MGAM: variants seen among roughly 807,000 people sequenced by gnomAD.
MGAM encodes the protein maltase-glucoamylase.
MGAM carries 253 observed loss-of-function variants against 358.8 expected under a neutral mutation model. That is an observed-to-expected ratio of 0.71 (90% CI 0.64 to 0.78). The LOEUF is 0.78. Ranked by LOEUF, MGAM falls within the 30% of genes least tolerant of loss-of-function variation. The pLI is 0.00. For synonymous variants in MGAM, 1,105 were observed against 1,227.1 expected, an observed-to-expected ratio of 0.90 and a Z score of 2.08; for missense variants, 3,080 against 3,432.6, an observed-to-expected ratio of 0.90 and a Z score of 2.57.
chr7:142,074,164 C>G lies in MGAM; in HGVS notation c.5266C>G (p.Gln1756Glu), dbSNP rs1484695275. The change falls in exon 45 of 71, where the codon CAA becomes GAA. Residue 1756 changes from glutamine (Q) to glutamate (E), a missense_variant. Coordinates refer to ENST00000475668, the MANE Select transcript of MGAM (RefSeq NM_001365693.1). ...AKGELFWDDG[Q>E]TKDTVAKKVY... ...AGGAGAACTTTTCTGGGATGATGGG[C>G]AAACAAAGGGTGAGCGCTGTTACAA... The G allele has an allele frequency of 6.5e-7, 1 of 1,532,212 alleles. No homozygotes were observed. The highest frequency in any genetic ancestry group is 1.1e-5 in the South Asian group (1 of 88,478). 94.9% of individuals were successfully genotyped at this position (1,532,212 alleles called of 1,614,324 possible).
In MGAM at chr7:142,084,571, G is replaced by A. The variant is rs1241656209; in HGVS notation, c.6434G>A (p.Cys2145Tyr). Residue 2145 changes from cysteine (C) to tyrosine (Y), a missense_variant, in exon 54 of 71, where the codon TGT becomes TAT. Cys to Tyr is a radical substitution (Grantham distance 194). Around this residue, in one of 5 missense-constraint regions of MGAM, gnomAD observed 932 missense variants for 1,198.2 expected, o/e 0.78. Transcript: ENST00000475668. ...VPYWSLGFQL[C>Y]RYGYQNDSEI... ...TACTGGTCTTTGGGGTTCCAGCTGT[G>A]TCGCTATGGCTACCAGAACGACTCT... The A allele has an allele frequency of 6.4e-7, 1 of 1,556,268 alleles. No homozygotes were observed. The highest frequency in any genetic ancestry group is 1.3e-5 in the African/African-American group (1 of 74,580).
chr7:142,057,619 G>A (rs62477619), intron 30 of MGAM, among the ~76,000 whole-genome samples: 28,037 of 148,658 alleles, frequency 0.19, 2,722 homozygotes, highest in Middle Eastern at 0.35. Flanking sequence ...GGGCACGATC[G>A]TGGTACTGGG....
chr7:142,010,074 G>T lies in MGAM; in HGVS notation c.327+1369G>T, dbSNP rs369731033. Among the ~76,000 whole-genome samples, 216 of 152,210 alleles carry T rather than the reference G, an allele frequency of 1.4e-3. 1 individual carries two copies. The highest frequency in any genetic ancestry group is 0.01 in the Middle Eastern group (3 of 294). On this transcript the variant is annotated intron_variant, in intron 3 of 70. Coordinates refer to ENST00000475668, the MANE Select transcript of MGAM (RefSeq NM_001365693.1). ...ATAACTTTCTCTGCAGATGATTCTT[G>T]GTTGTAAATACCATTGTTTGATTCT...
intron 66 of MGAM, among the ~76,000 whole-genome samples, chr7:142,097,980 T>C (rs1009815428): frequency 6.6e-6 from 1 of 152,246 alleles, no homozygotes; most frequent in Non-Finnish European, 1.5e-5. Context: ...TGTTGCAAAC[T>C]ATAGTTTTTG....
Position 142,094,438 on chromosome 7 carries a change from C to T in MGAM, c.7247C>T (p.Ala2416Val), listed in dbSNP as rs761135806. 3.1e-5 allele frequency: 47 copies of T among 1,534,772 alleles called. 2 individuals are homozygous for T. The African/African-American group carries it at 5.8e-4, about 19-fold the overall frequency. Residue 2416 changes from alanine (A) to valine (V), a missense_variant, in exon 61 of 71, where the codon GCA (alanine) becomes GTA (valine). Transcript: ENST00000475668. ...RSTFPSSGRW[A>V]GHWLGDNTAA... ...ACATTTCCCTCTTCTGGCCGCTGGG[C>T]AGGACATTGGCTGGGAGACAACACA...
At position 142,067,606 on chromosome 7, in the gene MGAM, C is replaced by A. The variant is rs1166313867; in HGVS notation, c.5004+181C>A. Among the ~76,000 whole-genome samples, 10 of 141,446 alleles carry A rather than the reference C, an allele frequency of 7.1e-5. 1 individual carries two copies. Among genetic ancestry groups the A allele is most frequent in the African/African-American group, 2.5e-4 (10 of 40,690 alleles). The allele number at this position is 141,446 out of a possible 152,430, so 92.8% of individuals were successfully genotyped here. On this transcript the variant is annotated intron_variant, in intron 42 of 70. Coordinates refer to ENST00000475668, the MANE Select transcript of MGAM (RefSeq NM_001365693.1). ...AGGTGTTCTTGGCACTCAGCTCCTTCATCTTTAAAATGAGCCTAACAATTC... is the reference window on the plus strand; with the variant it reads ...AGGTGTTCTTGGCACTCAGCTCCTTAATCTTTAAAATGAGCCTAACAATTC...
At chr7:141,992,000 C>T (rs1803968634), upstream of MGAM, among the ~76,000 whole-genome samples, 1 of 152,076 alleles carries the variant, frequency 6.6e-6, no homozygotes, top group African/African-American at 2.4e-5. Flanking sequence ...ATAATTTTTC[C>T]TTTGTAAACA....
intron 21 of MGAM, among the ~76,000 whole-genome samples, chr7:142,044,751 A>G (rs1242438319): frequency 1.1e-5 from 1 of 93,500 alleles, no homozygotes; most frequent in East Asian, 2.5e-4. Flanking sequence ...CACGTGTAAT[A>G]TATGATATAT....
chr7:141,991,132 G>A (rs1251177759), upstream of MGAM, among the ~76,000 whole-genome samples: 1 of 152,156 alleles, frequency 6.6e-6, no homozygotes, highest in South Asian at 2.1e-4. Context: ...GTAAAACTGG[G>A]ATAATAACAG....
In MGAM at chr7:142,063,734, G is replaced by T. The variant is rs1269175317; in HGVS notation, c.4345+148G>T. 5 of 961,284 alleles carry T rather than the reference G, an allele frequency of 5.2e-6. No homozygotes were observed. The South Asian group carries it at 8.2e-5, about 16-fold the overall frequency. The allele number at this position is 961,284 out of a possible 1,614,324, so 59.5% of individuals were successfully genotyped here. ...GGGACCAGAGACAAAAGCTCTGCAC[G>T]TGCTTTACCCAGCCGGGCATGGGCA... is the stretch of plus-strand genomic sequence containing the variant. On this transcript the variant is annotated intron_variant, in intron 36 of 70. Coordinates refer to ENST00000475668, the MANE Select transcript of MGAM (RefSeq NM_001365693.1).
intron 66 of MGAM, among the ~76,000 whole-genome samples, chr7:142,098,631 C>G (rs1055782679): frequency 5.3e-5 from 8 of 152,142 alleles, no homozygotes; most frequent in Non-Finnish European, 1.0e-4. Flanking sequence ...TAGTCTGGAT[C>G]TGCCCTTAGG....
chr7:142,042,705 A>C lies in MGAM; in HGVS notation c.2498+1859A>C, dbSNP rs1195268724. 7.9e-5 allele frequency among the ~76,000 whole-genome samples: 4 copies of C among 50,470 alleles called. 1 individual carries two copies. In the South Asian group the frequency reaches 2.7e-3, roughly 34 times the overall value. 33.1% of individuals were successfully genotyped at this position (50,470 alleles called of 152,430 possible). On this transcript the variant is annotated intron_variant, in intron 21 of 70. Transcript: ENST00000475668. ...TAATATATATTATGTATAATATTATATATAATATATTACATATATTATATA... is the reference window on the plus strand; with the variant it reads ...TAATATATATTATGTATAATATTATCTATAATATATTACATATATTATATA...
chr7:142,032,863 C>T lies in MGAM; in HGVS notation c.1623C>T (p.Val541=). 6.2e-7 allele frequency: 1 copy of T among 1,610,858 alleles called. No homozygotes were observed. ...TCTCCAACTTTGTTGATGGTTCGGT[C>T]TCAGGATGTTCCACAAACAACCTAA... is the stretch of plus-strand genomic sequence containing the variant. ...NEVSNFVDGS[V]SGCSTNNLNN... The change falls in exon 14 of 71, where the codon GTC becomes GTT. Residue 541 remains valine (V), a synonymous_variant. Coordinates refer to ENST00000475668, the MANE Select transcript of MGAM (RefSeq NM_001365693.1).
intron 1 of MGAM, among the ~76,000 whole-genome samples, chr7:142,003,195 C>T (rs541082656): frequency 2.8e-4 from 42 of 152,142 alleles, no homozygotes; most frequent in African/African-American, 9.6e-4. Flanking sequence ...CAATATTATT[C>T]TTCACAGGTT....
At chr7:142,084,928 T>C (rs1361241202) in intron 54 of MGAM, among the ~76,000 whole-genome samples, 1 of 146,480 alleles carries the variant, frequency 6.8e-6, no homozygotes, top group Non-Finnish European at 1.5e-5. Context: ...TTCACATGAC[T>C]TCAAAACATG....
At position 142,096,212 on chromosome 7, in the gene MGAM, G is replaced by T; in HGVS notation, c.7608-119G>T. 5.7e-6 allele frequency: 6 copies of T among 1,061,126 alleles called. No homozygotes were observed. In the South Asian group the frequency reaches 8.1e-5, roughly 14 times the overall value. 65.7% of individuals were successfully genotyped at this position (1,061,126 alleles called of 1,614,324 possible). ...TGATGAAGCTAGGCCTAGGAAAAAG[G>T]CAAGGATGGCTCAGGGGCAGCTGTA... On this transcript the variant is annotated intron_variant, in intron 64 of 70. Coordinates refer to ENST00000475668, the MANE Select transcript of MGAM (RefSeq NM_001365693.1).
At chr7:141,997,687 C>A (rs141908294) in intron 1 of MGAM, among the ~76,000 whole-genome samples, 1 of 151,892 alleles carries the variant, frequency 6.6e-6, no homozygotes, top group Non-Finnish European at 1.5e-5. Flanking sequence ...GAAACTGAGA[C>A]CCAGAGGGGT....
rs1312893918 is a variant in MGAM, at chr7:142,040,704, T to C, written c.2374-18T>C. The C allele has an allele frequency of 1.2e-6, 2 of 1,611,728 alleles. No individual in the cohort carries two copies. Among genetic ancestry groups the C allele is most frequent in the Non-Finnish European group, 1.7e-6 (2 of 1,178,940 alleles). On this transcript the variant is annotated intron_variant, in intron 20 of 70. Transcript: ENST00000475668. ...TATGCTGTCATGCCAATGTGTTTGATTTATCTGCATGCATCAGGGGAGCCA... is the reference window on the plus strand; with the variant it reads ...TATGCTGTCATGCCAATGTGTTTGACTTATCTGCATGCATCAGGGGAGCCA...
At chr7:141,992,452 G>A (rs1803988904), upstream of MGAM, among the ~76,000 whole-genome samples, 1 of 152,132 alleles carries the variant, frequency 6.6e-6, no homozygotes, top group Non-Finnish European at 1.5e-5. Context: ...TTCTTTAAGG[G>A]CGATACCAAA....
Sources: allele counts gnomAD v4.1 joint callset (sites outside exome capture counted in the v4.1 genomes callset), GRCh38; gene constraint gnomAD v4.1.1; regional missense constraint gnomAD v4.1.1; transcripts MANE v1.5; gene names NCBI Gene and HGNC (gene_info 2026-07-23, HGNC 2026-07-21).